Variants in C12orf42 observed in about 807,000 individuals in gnomAD.
The protein encoded by C12orf42 is chromosome 12 open reading frame 42.
C12orf42 carries 25 observed loss-of-function variants against 21.6 expected under a neutral mutation model. The observed-to-expected ratio is 1.16, with a 90% CI of 0.84 to 1.62. The LOEUF is 1.62. C12orf42 is among the 40% of genes most tolerant of loss of function. The pLI, the probability that C12orf42 is intolerant of heterozygous loss-of-function variation, is 0.00. For missense variants in C12orf42, 483 were observed against 459.3 expected (o/e 1.05, Z -0.47); for synonymous variants, 174 against 175.0 (o/e 0.99, Z 0.05).
the C12orf42 span, among the ~76,000 whole-genome samples, chr12:103,153,761 T>C: frequency 1.3e-5 from 2 of 152,016 alleles, no homozygotes; most frequent in Non-Finnish European, 2.9e-5. Context: ...ATCTATAATA[T>C]CTAAATATCT....
intron 10 of C12orf42, among the ~76,000 whole-genome samples, chr12:103,244,370 C>T (rs897108843): frequency 2.6e-5 from 4 of 151,708 alleles, no homozygotes; most frequent in Non-Finnish European, 5.9e-5. Flanking sequence ...TGTTTTGGTC[C>T]ATGCATAGGT....
intron 4 of C12orf42, among the ~76,000 whole-genome samples, chr12:103,317,597 T>C (rs999813326): frequency 6.6e-6 from 1 of 152,242 alleles, no homozygotes; most frequent in Non-Finnish European, 1.5e-5. Flanking sequence ...ATTGATTCAT[T>C]GAATGAATGT....
At chr12:103,319,641 A>G (rs1379843480) in intron 4 of C12orf42, among the ~76,000 whole-genome samples, 1 of 152,242 alleles carries the variant, frequency 6.6e-6, no homozygotes, top group Admixed American at 6.5e-5. Flanking sequence ...AGAACCAAAC[A>G]ATATTTCTAA....
chr12:103,279,736 A>C (rs77897376), intron 4 of C12orf42, among the ~76,000 whole-genome samples: 1 of 152,332 alleles, frequency 6.6e-6, no homozygotes, highest in African/African-American at 2.4e-5. Flanking sequence ...GAAATGTTAA[A>C]GCTGATGCCT....
the C12orf42 span, among the ~76,000 whole-genome samples, chr12:103,220,671 G>A: frequency 1.3e-5 from 2 of 148,254 alleles, no homozygotes; most frequent in African/African-American, 2.5e-5. Flanking sequence ...ATCTTTTGAC[G>A]ACCATTGCTT....
chr12:103,279,894 G>C (rs2036000051), intron 4 of C12orf42, among the ~76,000 whole-genome samples: 1 of 152,170 alleles, frequency 6.6e-6, no homozygotes, highest in Non-Finnish European at 1.5e-5. Flanking sequence ...ATGGTGCTCT[G>C]TTTAGGCTAA....
chr12:103,412,969 C>T (rs989977798), intron 2 of C12orf42, among the ~76,000 whole-genome samples: 3 of 152,068 alleles, frequency 2.0e-5, no homozygotes, highest in African/African-American at 7.2e-5. Flanking sequence ...TTAATTAGGT[C>T]CCACTTGTCT....
chr12:103,127,571 C>T, the C12orf42 span, among the ~76,000 whole-genome samples: 1 of 152,136 alleles, frequency 6.6e-6, no homozygotes, highest in Non-Finnish European at 1.5e-5. Flanking sequence ...TTGATCATCA[C>T]TCTTAACCCA....
At chr12:103,100,210 C>T in the C12orf42 span, among the ~76,000 whole-genome samples, 2 of 152,158 alleles carry the variant, frequency 1.3e-5, no homozygotes, top group Non-Finnish European at 2.9e-5. Flanking sequence ...CAGGACTGGC[C>T]CAAACTTTGG....
chr12:103,093,152 T>C, the C12orf42 span, among the ~76,000 whole-genome samples: 2 of 152,264 alleles, frequency 1.3e-5, no homozygotes, highest in Non-Finnish European at 2.9e-5. Flanking sequence ...CCAAGGCTGC[T>C]GCAGTCATTC....
the C12orf42 span, among the ~76,000 whole-genome samples, chr12:103,134,252 A>G: frequency 1.3e-5 from 2 of 152,214 alleles, no homozygotes; most frequent in Non-Finnish European, 2.9e-5. Flanking sequence ...CTCCAGCAAC[A>G]GATTCCTAAC....
the C12orf42 span, among the ~76,000 whole-genome samples, chr12:103,183,682 T>C: frequency 7.3e-6 from 1 of 137,548 alleles, no homozygotes; most frequent in Non-Finnish European, 1.6e-5. Flanking sequence ...TTTTCCTCTT[T>C]TCTAATGTAA....
At chr12:103,133,462 G>A in the C12orf42 span, among the ~76,000 whole-genome samples, 6 of 152,160 alleles carry the variant, frequency 3.9e-5, no homozygotes, top group African/African-American at 1.4e-4. Context: ...GAACAGGCAT[G>A]CTCATCTCAC....
At chr12:103,505,521 G>A in the C12orf42 span, 10 of 391,180 alleles carry the variant, frequency 2.6e-5, no homozygotes, top group Non-Finnish European at 3.8e-5. Context: ...AACCACCTGA[G>A]AAGTAGTTTC....
the C12orf42 span, among the ~76,000 whole-genome samples, chr12:103,065,323 A>G: frequency 6.6e-6 from 1 of 152,222 alleles, no homozygotes; most frequent in Non-Finnish European, 1.5e-5. Context: ...TGCTTGAGCA[A>G]ATTAACACAT....
At chr12:103,070,527 CA>C in the C12orf42 span, among the ~76,000 whole-genome samples, 14 of 151,826 alleles carry the variant, frequency 9.2e-5, no homozygotes, top group Non-Finnish European at 1.9e-4. Context: ...CACACACACA[CA>C]CACACACACA....
At chr12:103,059,151 C>A in the C12orf42 span, among the ~76,000 whole-genome samples, 1 of 152,150 alleles carries the variant, frequency 6.6e-6, no homozygotes, top group African/African-American at 2.4e-5. Flanking sequence ...GATATCACCA[C>A]TGATCCCACA....
At chr12:103,501,542 C>G in the C12orf42 span, among the ~76,000 whole-genome samples, 2,070 of 152,280 alleles carry the variant, frequency 0.014, 22 homozygotes, top group Middle Eastern at 0.034. Flanking sequence ...TTAGCGCCAG[C>G]ACCCTATTGC....
the C12orf42 span, among the ~76,000 whole-genome samples, chr12:103,112,296 C>A: frequency 2.0e-5 from 3 of 152,144 alleles, no homozygotes; most frequent in Admixed American, 2.0e-4. Context: ...AAGAATATGC[C>A]TTTGCTCCTT....
Sources: allele counts gnomAD v4.1 joint callset (sites outside exome capture counted in the v4.1 genomes callset), GRCh38; gene constraint gnomAD v4.1.1; transcripts MANE v1.5; gene names NCBI Gene and HGNC (gene_info 2026-07-23, HGNC 2026-07-21).